Variants in ATL2 observed in about 807,000 individuals in gnomAD.
The protein encoded by ATL2 is atlastin GTPase 2.
Under a neutral mutation model 73.9 loss-of-function variants are expected in ATL2, and 31 were observed. The observed-to-expected ratio is 0.42, with a 90% CI of 0.32 to 0.57. ATL2 has a LOEUF of 0.57. Ranked by LOEUF, ATL2 falls within the 20% of genes least tolerant of loss-of-function variation. ATL2 has a pLI of 0.14. For synonymous variants in ATL2, 291 were observed against 237.5 expected (o/e 1.23, Z -2.07); for missense variants, 738 against 702.6 (o/e 1.05, Z -0.57).
Position 38,318,656 on chromosome 2 carries a change from T to C in ATL2, c.499-17A>G. On this transcript the variant is annotated splice_polypyrimidine_tract_variant and intron_variant, in intron 3 of 12. Transcript: ENST00000378954. ...CACAGCAACCTAGGAATTTGAGAGTTTAAAATATTTAGTAAAACAGTTGCC... is the reference window on the plus strand; with the variant it reads ...CACAGCAACCTAGGAATTTGAGAGTCTAAAATATTTAGTAAAACAGTTGCC... 1 of 1,557,190 alleles carries C rather than the reference T, an allele frequency of 6.4e-7. No individual in the cohort carries two copies. The highest frequency in any genetic ancestry group is 1.4e-5 in the African/African-American group (1 of 72,006).
intron 8 of ATL2, among the ~76,000 whole-genome samples, chr2:38,309,951 C>G (rs1667657476): frequency 6.6e-6 from 1 of 152,084 alleles, no homozygotes; most frequent in South Asian, 2.1e-4. Flanking sequence ...CATACATAAA[C>G]TGTACTATCA....
intron 2 of ATL2, among the ~76,000 whole-genome samples, chr2:38,326,469 G>A (rs544906369): frequency 1.3e-5 from 2 of 152,106 alleles, no homozygotes; most frequent in African/African-American, 2.4e-5. Flanking sequence ...GCAAACAACA[G>A]AACCAGACTC....
chr2:38,375,475 C>T (rs911437475), intron 1 of ATL2, among the ~76,000 whole-genome samples: 1 of 152,058 alleles, frequency 6.6e-6, no homozygotes, highest in Non-Finnish European at 1.5e-5. Context: ...AAATGGTGGG[C>T]CCTATTTCAA....
chr2:38,340,185 G>T lies in ATL2; in HGVS notation c.363+3083C>A, dbSNP rs867242986. On this transcript the variant is annotated intron_variant, in intron 2 of 12. Coordinates refer to ENST00000378954, the MANE Select transcript of ATL2 (RefSeq NM_001135673.4). ...GTTAGTTTTGGTGGGGGGGGGGGGG[G>T]GGTAGACATTAACTGAGAAGGAACA... 1.5e-4 allele frequency among the ~76,000 whole-genome samples: 11 copies of T among 75,100 alleles called. 1 individual carries two copies. Among genetic ancestry groups the T allele is most frequent in the Admixed American group, 2.7e-4 (2 of 7,396 alleles). 49.3% of individuals were successfully genotyped at this position (75,100 alleles called of 152,430 possible).
intron 1 of ATL2, among the ~76,000 whole-genome samples, chr2:38,355,656 G>A (rs1373480275): frequency 6.8e-6 from 1 of 147,466 alleles, no homozygotes; most frequent in Non-Finnish European, 1.5e-5. Context: ...AAAATTCAGA[G>A]AACTAAAAAG....
At chr2:38,298,616 T>G in intron 11 of ATL2, 41 bp from the exon 12 acceptor site, 20 of 1,555,880 alleles carry the variant, frequency 1.3e-5, no homozygotes, top group Non-Finnish European at 1.7e-5. Flanking sequence ...TAGAAATAAT[T>G]AACACTTGAA....
At chr2:38,319,651 A>G (rs1019245073) in intron 2 of ATL2, among the ~76,000 whole-genome samples, 1 of 151,994 alleles carries the variant, frequency 6.6e-6, no homozygotes, top group Non-Finnish European at 1.5e-5. Flanking sequence ...AATATTTCCT[A>G]AAATGTTAAA....
intron 1 of ATL2, among the ~76,000 whole-genome samples, chr2:38,365,997 A>G (rs1671309130): frequency 6.6e-6 from 1 of 151,990 alleles, no homozygotes; most frequent in Non-Finnish European, 1.5e-5. Context: ...GGCTCAATAC[A>G]GACAAAATTC....
At chr2:38,374,509 C>T (rs971418218) in intron 1 of ATL2, among the ~76,000 whole-genome samples, 2 of 152,202 alleles carry the variant, frequency 1.3e-5, no homozygotes, top group African/African-American at 4.8e-5. Flanking sequence ...CTGTAAAGCT[C>T]TAAACCACCA....
At chr2:38,331,094 C>T (rs1004114350) in intron 2 of ATL2, among the ~76,000 whole-genome samples, 1 of 151,588 alleles carries the variant, frequency 6.6e-6, no homozygotes, top group Non-Finnish European at 1.5e-5. Context: ...CGCAGGAGTT[C>T]GAGACAAACC....
rs1488616594 is a variant in ATL2 at position 38,296,086 on chromosome 2, T to C, written c.1660A>G (p.Met554Val). The C allele has an allele frequency of 2.6e-6, 4 of 1,551,378 alleles. No individual in the cohort carries two copies. The highest frequency in any genetic ancestry group is 2.0e-5 in the Admixed American group (1 of 50,990). Residue 554 changes from methionine (M) to valine (V), a missense_variant, in exon 13 of 13, where the codon ATG becomes GTG. Coordinates refer to ENST00000378954, the MANE Select transcript of ATL2 (RefSeq NM_001135673.4). ...QVLKPLGDNLMEENIRQSVTN... is the reference protein window; with the variant it reads ...QVLKPLGDNLVEENIRQSVTN... ...ACAGACTGCCTTATGTTTTCCTCCA[T>C]CAAATTATCACCCAGGGGCTTCAAT...
At chr2:38,346,376 T>TA (rs1670016710) in intron 1 of ATL2, among the ~76,000 whole-genome samples, 1 of 152,072 alleles carries the variant, frequency 6.6e-6, no homozygotes, top group Non-Finnish European at 1.5e-5. Context: ...TTACCCTCCT[T>TA]AAAATCACTG....
intron 1 of ATL2, among the ~76,000 whole-genome samples, chr2:38,370,635 C>T (rs745341195): frequency 2.0e-5 from 3 of 151,838 alleles, no homozygotes; most frequent in Non-Finnish European, 4.4e-5. Context: ...GGCGTGGTAG[C>T]GGGTGCCTGT....
At chr2:38,351,103 C>G (rs1339595155) in intron 1 of ATL2, among the ~76,000 whole-genome samples, 8 of 152,076 alleles carry the variant, frequency 5.3e-5, no homozygotes, top group Admixed American at 5.2e-4. Flanking sequence ...AAACTTGAAA[C>G]AAATTTTCAT....
chr2:38,303,022 C>A (rs1471309723), intron 9 of ATL2, among the ~76,000 whole-genome samples: 1 of 152,080 alleles, frequency 6.6e-6, no homozygotes, highest in Non-Finnish European at 1.5e-5. Context: ...GATAACTGAC[C>A]TTTCAGAGAA....
intron 10 of ATL2, among the ~76,000 whole-genome samples, chr2:38,299,558 G>A (rs1415931885): frequency 2.0e-5 from 3 of 152,142 alleles, no homozygotes; most frequent in East Asian, 1.9e-4. Context: ...GTTAAAGTGT[G>A]TCTGCAGAAA....
chr2:38,304,028 C>T (rs1191172342), intron 9 of ATL2, among the ~76,000 whole-genome samples: 1 of 152,112 alleles, frequency 6.6e-6, no homozygotes, highest in East Asian at 1.9e-4. Context: ...CCTTGGCAGG[C>T]TGAGATGGGA....
chr2:38,376,174 T>A (rs1311829010), intron 1 of ATL2: 1 of 1,524,422 alleles, frequency 6.6e-7, no homozygotes, highest in Admixed American at 2.1e-5. Flanking sequence ...CTTTCTTAAG[T>A]ACCATCAAAA....
At chr2:38,324,592 A>G (rs1170029814) in intron 2 of ATL2, among the ~76,000 whole-genome samples, 3 of 152,162 alleles carry the variant, frequency 2.0e-5, no homozygotes, top group Admixed American at 2.0e-4. Flanking sequence ...TTCCCACCCC[A>G]TGCCCAACTC....
Sources: allele counts gnomAD v4.1 joint callset (sites outside exome capture counted in the v4.1 genomes callset), GRCh38; gene constraint gnomAD v4.1.1; transcripts MANE v1.5; gene names NCBI Gene and HGNC (gene_info 2026-07-23, HGNC 2026-07-21).